The following DPYD variants were observed in gnomAD, a reference collection of about 807,000 sequenced individuals.
DPYD encodes dihydropyrimidine dehydrogenase.
A neutral mutation model predicts 116.2 loss-of-function variants in DPYD; 109 were observed. That is an observed-to-expected ratio of 0.94 (90% CI 0.80 to 1.10). The LOEUF (loss-of-function observed/expected upper bound fraction) is 1.10, where lower values mean the gene tolerates loss of function less well. Ranked by LOEUF, DPYD falls within the 50% of genes least tolerant of loss-of-function variation. The pLI is 0.00. For synonymous variants in DPYD, 440 were observed against 432.0 expected (o/e 1.02, Z -0.23); for missense variants, 1,302 against 1,254.5 (o/e 1.04, Z -0.57).
rs759965732 is a variant in DPYD at position 97,595,094 on chromosome 1, TC to T, written c.922del (p.Asp308ThrfsTer6). On this transcript the variant is annotated frameshift_variant, in exon 9 of 23. Coordinates refer to ENST00000370192, the MANE Select transcript of DPYD (RefSeq NM_000110.4). LOFTEE classifies it high-confidence loss of function. ...GCCTTTGGCTACAAGTGGCAAAAAG[TC>T]TTTGGATGTATAAAACCCCTGGTCC... Reference protein sequence around the residue: ...TQDQGFYTSKDFLPLVAKGSK... With the variant: ...TQDQGFYTSKXFLPLVAKGSK... The T allele has an allele frequency of 3.1e-6, 5 of 1,613,576 alleles. No homozygotes were observed. The South Asian group carries it at 5.5e-5, about 18-fold the overall frequency.
chr1:97,726,284 T>C (rs574457846), intron 4 of DPYD, among the ~76,000 whole-genome samples: 2 of 151,740 alleles, frequency 1.3e-5, no homozygotes, highest in South Asian at 2.1e-4. Flanking sequence ...AGTTGTTCCC[T>C]TGTATTTAAA....
intron 14 of DPYD, among the ~76,000 whole-genome samples, chr1:97,386,868 C>T (rs1040946630): frequency 3.3e-5 from 5 of 152,012 alleles, no homozygotes; most frequent in Admixed American, 2.6e-4. Context: ...AGTAAAAGGA[C>T]ACTGGACATA....
chr1:97,920,662 C>T (rs1295967783), intron 1 of DPYD, among the ~76,000 whole-genome samples: 1 of 152,222 alleles, frequency 6.6e-6, no homozygotes, highest in African/African-American at 2.4e-5. Context: ...ACGCAAAGGG[C>T]AACCCCTCCA....
rs1035273472 is a variant in DPYD, at chr1:97,739,896, T to A, written c.321+496A>T. Among the ~76,000 whole-genome samples the A allele has an allele frequency of 4.6e-5, 7 of 152,240 alleles. No individual in the cohort carries two copies. The East Asian group carries it at 1.3e-3, about 29-fold the overall frequency. On this transcript the variant is annotated intron_variant, in intron 4 of 22. Coordinates refer to ENST00000370192, the MANE Select transcript of DPYD (RefSeq NM_000110.4). ...GCCCATATAAGCCTTTTCTTCTAAT[T>A]TTAGTTGTGTATTTTTTTTGCTACA...
chr1:97,148,830 G>A lies in DPYD; in HGVS notation c.2622+44239C>T, dbSNP rs371717967. 5.5e-4 allele frequency among the ~76,000 whole-genome samples: 84 copies of A among 152,212 alleles called. 3 individuals carry two copies. In the South Asian group the frequency reaches 0.011, roughly 20 times the overall value. ...GAAACGAAAAATCTTACAGTTCATT[G>A]TTTGTATCTCCTTTACAAGTATATC... On this transcript the variant is annotated intron_variant, in intron 20 of 22. Transcript: ENST00000370192.
chr1:97,735,787 A>G (rs1323526478), intron 4 of DPYD, among the ~76,000 whole-genome samples: 1 of 151,540 alleles, frequency 6.6e-6, no homozygotes, highest in Non-Finnish European at 1.5e-5. Context: ...AAAAAGCACA[A>G]AAAACTCTTA....
intron 16 of DPYD, among the ~76,000 whole-genome samples, chr1:97,356,052 G>A (rs1333180424): frequency 1.3e-5 from 2 of 152,068 alleles, no homozygotes; most frequent in South Asian, 2.1e-4. Context: ...CACCAACAGC[G>A]TGCCAGGGCT....
chr1:97,665,641 A>G (rs1470808860), intron 8 of DPYD, among the ~76,000 whole-genome samples: 1 of 152,198 alleles, frequency 6.6e-6, no homozygotes, highest in East Asian at 1.9e-4. Context: ...AATTCTATTC[A>G]ATATCCAGGT....
chr1:97,375,323 T>C (rs77975962), intron 15 of DPYD, among the ~76,000 whole-genome samples: 1,962 of 152,252 alleles, frequency 0.013, 24 homozygotes, highest in South Asian at 0.023. Flanking sequence ...TTTTAGCCTA[T>C]TTTTTCCTGC....
chr1:97,762,375 A>G (rs1665622127), intron 3 of DPYD, among the ~76,000 whole-genome samples: 1 of 152,112 alleles, frequency 6.6e-6, no homozygotes, highest in Non-Finnish European at 1.5e-5. Context: ...CATTAAGGTT[A>G]TTATTCAGAG....
chr1:97,819,407 T>A (rs1668804104), intron 3 of DPYD, among the ~76,000 whole-genome samples: 1 of 151,930 alleles, frequency 6.6e-6, no homozygotes. Flanking sequence ...AATATACCCT[T>A]ATACATGGGC....
intron 3 of DPYD, among the ~76,000 whole-genome samples, chr1:97,809,564 A>G (rs146080304): frequency 3.3e-5 from 5 of 152,304 alleles, no homozygotes; most frequent in Non-Finnish European, 7.4e-5. Flanking sequence ...GGGATGGTTT[A>G]AAAAAGACTA....
intron 16 of DPYD, among the ~76,000 whole-genome samples, chr1:97,336,206 T>C (rs532860077): frequency 7.8e-4 from 118 of 152,160 alleles, no homozygotes; most frequent in Non-Finnish European, 1.4e-3. Context: ...AGTAAGCCTT[T>C]ATGGAGTGCC....
intron 18 of DPYD, among the ~76,000 whole-genome samples, chr1:97,261,976 A>C (rs1663917502): frequency 6.6e-6 from 1 of 151,852 alleles, no homozygotes; most frequent in Admixed American, 6.6e-5. Flanking sequence ...CTACTGCCTG[A>C]ATTTTTTTTT....
At chr1:97,488,803 C>G (rs945148037) in intron 13 of DPYD, among the ~76,000 whole-genome samples, 11 of 152,304 alleles carry the variant, frequency 7.2e-5, no homozygotes, top group African/African-American at 2.6e-4. Flanking sequence ...CAGGAGTTAC[C>G]ACCCTTTTCT....
chr1:97,623,077 G>C (rs982540914), intron 8 of DPYD, among the ~76,000 whole-genome samples: 2 of 152,076 alleles, frequency 1.3e-5, no homozygotes, highest in African/African-American at 4.8e-5. Context: ...GGTCATTCTA[G>C]TTTCCATCAA....
intron 13 of DPYD, among the ~76,000 whole-genome samples, chr1:97,495,967 T>C (rs1346094235): frequency 1.3e-5 from 2 of 152,118 alleles, no homozygotes; most frequent in African/African-American, 4.8e-5. Context: ...GACATCATTA[T>C]AGTTGGAGAA....
intron 16 of DPYD, among the ~76,000 whole-genome samples, chr1:97,368,744 T>A (rs1320298500): frequency 6.6e-6 from 1 of 152,212 alleles, no homozygotes; most frequent in African/African-American, 2.4e-5. Flanking sequence ...ATCAGAAAGA[T>A]ATATACTGGT....
chr1:97,887,202 T>A (rs573239405), intron 1 of DPYD, among the ~76,000 whole-genome samples: 20 of 151,944 alleles, frequency 1.3e-4, no homozygotes, highest in Non-Finnish European at 2.5e-4. Context: ...AGGCCAGGCA[T>A]AATGGGTCAT....
Sources: allele counts gnomAD v4.1 joint callset (sites outside exome capture counted in the v4.1 genomes callset), GRCh38; gene constraint gnomAD v4.1.1; transcripts MANE v1.5; gene names NCBI Gene and HGNC (gene_info 2026-07-23, HGNC 2026-07-21).